The following PIEZO1 variants were observed in gnomAD, a reference collection of about 807,000 sequenced individuals.
PIEZO1 encodes piezo type mechanosensitive ion channel component 1 (Er blood group).
PIEZO1 carries 296 observed loss-of-function variants against 297.2 expected under a neutral mutation model. That is an observed-to-expected ratio of 1.00 (90% confidence interval 0.91 to 1.10). PIEZO1 has a LOEUF of 1.10. PIEZO1 is among the 50% of genes least tolerant of loss of function. PIEZO1 has a pLI of 0.00. For synonymous variants in PIEZO1, 2,427 were observed against 1,507.5 expected, an observed-to-expected ratio of 1.61 and a Z score of -14.13; for missense variants, 5,018 against 3,455.5, an observed-to-expected ratio of 1.45 and a Z score of -11.34.
At chr16:88,762,572 G>T (rs890541111) in intron 1 of PIEZO1, among the ~76,000 whole-genome samples, 5 of 152,180 alleles carry the variant, frequency 3.3e-5, no homozygotes, top group African/African-American at 9.7e-5. Flanking sequence ...GACCCCCAGT[G>T]GTGCCACGGC....
intron 2 of PIEZO1, among the ~76,000 whole-genome samples, chr16:88,746,102 G>C (rs1452472292): frequency 6.6e-6 from 1 of 152,176 alleles, no homozygotes; most frequent in Non-Finnish European, 1.5e-5. Context: ...GACCAGCCAA[G>C]GGACCCAGGG....
At chr16:88,750,261 G>A (rs556733845) in intron 1 of PIEZO1, among the ~76,000 whole-genome samples, 22 of 151,856 alleles carry the variant, frequency 1.4e-4, no homozygotes, top group African/African-American at 4.6e-4. Context: ...GCTTGAACCC[G>A]GGAGGTGGAG....
intron 38 of PIEZO1, 46 bp from the exon 39 acceptor site, chr16:88,721,476 G>T: frequency 2.6e-6 from 4 of 1,538,962 alleles, no homozygotes; most frequent in Non-Finnish European, 3.5e-6. Context: ...CTCCCTGGTG[G>T]AGAGCACAGG....
At chr16:88,735,546 T>C (rs1905154875) in intron 12 of PIEZO1, among the ~76,000 whole-genome samples, 1 of 152,262 alleles carries the variant, frequency 6.6e-6, no homozygotes, top group African/African-American at 2.4e-5. Context: ...CCTGCACACA[T>C]GTCCACATGC....
At chr16:88,772,636 G>A (rs963356058) in intron 1 of PIEZO1, among the ~76,000 whole-genome samples, 16 of 152,102 alleles carry the variant, frequency 1.1e-4, no homozygotes, top group South Asian at 2.1e-4. Flanking sequence ...AAAATGAGCC[G>A]GGCGTGATGG....
At chr16:88,755,163 C>A (rs562404110) in intron 1 of PIEZO1, among the ~76,000 whole-genome samples, 2 of 152,328 alleles carry the variant, frequency 1.3e-5, no homozygotes, top group South Asian at 4.1e-4. Flanking sequence ...CTCCACATTG[C>A]AGACGAGGAG....
At chr16:88,734,207 C>G (rs1905059457) in intron 16 of PIEZO1, 149 bp downstream of exon 16, 1 of 1,177,970 alleles carries the variant, frequency 8.5e-7, no homozygotes. Flanking sequence ...CCTGTGACCT[C>G]CACGCTACTG....
intron 1 of PIEZO1, among the ~76,000 whole-genome samples, chr16:88,770,557 CG>C (rs1406238097): frequency 6.6e-6 from 1 of 152,200 alleles, no homozygotes; most frequent in Non-Finnish European, 1.5e-5. Flanking sequence ...GCCGTTAGTG[CG>C]GGGGCCCCGC....
At chr16:88,716,507 C>A in intron 47 of PIEZO1, 24 bp from the exon 48 acceptor site, 1 of 1,540,124 alleles carries the variant, frequency 6.5e-7, no homozygotes, top group Non-Finnish European at 8.8e-7. Flanking sequence ...CACAGCGTGA[C>A]CCACTGTAGT....
At chr16:88,718,118 CAG>C (rs1246855140) in intron 44 of PIEZO1, 4 of 188,718 alleles carry the variant, frequency 2.1e-5, no homozygotes, top group Non-Finnish European at 3.3e-5. Flanking sequence ...GACATTTCCC[CAG>C]AGAAGATACA....
Position 88,732,660 on chromosome 16 carries a change from G to A in PIEZO1, c.2737C>T (p.Pro913Ser). 1 of 1,549,688 alleles carries A rather than the reference G, an allele frequency of 6.5e-7. No individual in the cohort carries two copies. The highest frequency in any genetic ancestry group is 8.7e-7 in the Non-Finnish European group (1 of 1,146,546). Residue 913 changes from proline (P) to serine (S), a missense_variant, in exon 20 of 51, where the codon CCT becomes TCT. Physicochemically the swap from Pro to Ser is moderately conservative, Grantham distance 74. Transcript: ENST00000301015. ...TTCCGCACCCCAAACCAGTTGGCAG[G>A]GTCCACGGGCCCCCGGTACAGCAGG... is the stretch of plus-strand genomic sequence containing the variant. Reference protein sequence around the residue: ...QSLLYRGPVDPANWFGVRKGF... With the variant: ...QSLLYRGPVDSANWFGVRKGF...
chr16:88,727,531 A>T, intron 23 of PIEZO1, 26 bp downstream of exon 23: 1 of 737,870 alleles, frequency 1.4e-6, no homozygotes, highest in Non-Finnish European at 2.1e-6. Context: ...TCCTCTGCAG[A>T]GGCGGGGGTG....
At position 88,719,818 on chromosome 16, in the gene PIEZO1, G is replaced by C. The variant is rs531972155; in HGVS notation, c.6307C>G (p.Leu2103Val). Residue 2103 changes from leucine (L) to valine (V), a missense_variant, in exon 43 of 51, where the codon CTC becomes GTC. By Grantham distance (32) the Leu-to-Val change is conservative. Transcript: ENST00000301015. ...FLTKKYNHLN[L>V]FLFQGFRLVP... ...TGCACTCACCCCTGGAAGAGGAAGA[G>C]GTTGAGATGATTGTACTTCTTGGTG... is the stretch of plus-strand genomic sequence containing the variant. 130 of 1,550,578 alleles carry C rather than the reference G, an allele frequency of 8.4e-5. 1 individual carries two copies. The East Asian group carries it at 3.0e-3, about 36-fold the overall frequency.
Position 88,721,995 on chromosome 16 carries a change from A to G in PIEZO1, c.5027T>C (p.Leu1676Pro). ...AEGQGRALRLLRAVYQCVAAH... is the reference protein window; with the variant it reads ...AEGQGRALRLPRAVYQCVAAH... ...GGCCACACACTGGTACACGGCCCGC[A>G]GCAGCCGCAGCGCCCGGCCCTGCCC... Residue 1676 changes from leucine to proline, a missense_variant, in exon 37 of 51, where the codon CTG (leucine) becomes CCG (proline). Leu to Pro is a moderately conservative substitution (Grantham distance 98, BLOSUM62 -3). Transcript: ENST00000301015. 1 of 1,549,400 alleles carries G rather than the reference A, an allele frequency of 6.5e-7. No individual in the cohort carries two copies. The highest frequency in any genetic ancestry group is 8.7e-7 in the Non-Finnish European group (1 of 1,146,730).
intron 1 of PIEZO1, among the ~76,000 whole-genome samples, chr16:88,774,789 C>T (rs115952205): frequency 0.011 from 1,726 of 152,286 alleles, 27 homozygotes; most frequent in African/African-American, 0.039. Context: ...CAGGGCACCC[C>T]GGAGCCGGCT....
Position 88,722,219 on chromosome 16 carries a change from T to C in PIEZO1, c.4954A>G (p.Arg1652Gly). ...GTGTTGTGCGCGTCCCGCCCCCACC[T>C]GTCCAGGAGCAGCTCGCTGGCCGTC... is the stretch of plus-strand genomic sequence containing the variant. ...MRTASELLLD[R>G]RLRIPELEEA... The change falls in exon 36 of 51, where the codon AGG (arginine) becomes GGG (glycine). Residue 1652 changes from arginine to glycine, a missense_variant and splice_region_variant. Transcript: ENST00000301015. 6.5e-7 allele frequency: 1 copy of C among 1,546,068 alleles called. No homozygotes were observed. The highest frequency in any genetic ancestry group is 8.7e-7 in the Non-Finnish European group (1 of 1,146,584).
At chr16:88,762,492 C>A (rs552094274) in intron 1 of PIEZO1, among the ~76,000 whole-genome samples, 2 of 152,294 alleles carry the variant, frequency 1.3e-5, no homozygotes, top group Non-Finnish European at 2.9e-5. Context: ...CCTCCAGCCC[C>A]AAGGAGAGGA....
At chr16:88,736,119 C>A in intron 12 of PIEZO1, 29 bp downstream of exon 12, 1 of 1,521,636 alleles carries the variant, frequency 6.6e-7, no homozygotes, top group South Asian at 1.2e-5. Flanking sequence ...CGCACCCAGG[C>A]ACCCCCGGAT....
chr16:88,778,384 GAA>G (rs1453204309), intron 1 of PIEZO1, among the ~76,000 whole-genome samples: 2 of 152,200 alleles, frequency 1.3e-5, no homozygotes, highest in Non-Finnish European at 2.9e-5. Flanking sequence ...TATACCCACA[GAA>G]AAATAGTGTG....
Sources: allele counts gnomAD v4.1 joint callset (sites outside exome capture counted in the v4.1 genomes callset), GRCh38; gene constraint gnomAD v4.1.1; transcripts MANE v1.5; gene names NCBI Gene and HGNC (gene_info 2026-07-23, HGNC 2026-07-21).